SLC25A26: variants seen among roughly 807,000 people sequenced by gnomAD.
SLC25A26 encodes the protein solute carrier family 25 member 26, also known as mitochondrial S-adenosylmethionine carrier protein.
SLC25A26 carries 36 observed loss-of-function variants against 37.8 expected under a neutral mutation model. That is an observed-to-expected ratio of 0.95 (90% confidence interval 0.73 to 1.26). SLC25A26 has a LOEUF of 1.26. Among genes scored for constraint, SLC25A26 ranks in the 50% most tolerant of loss-of-function variants. SLC25A26 has a pLI of 0.00. For missense variants in SLC25A26, 390 were observed against 331.1 expected (o/e 1.18, Z -1.38); for synonymous variants, 129 against 122.5 (o/e 1.05, Z -0.35).
chr3:66,308,567 C>T (rs1293337151), intron 5 of SLC25A26, among the ~76,000 whole-genome samples: 1 of 152,184 alleles, frequency 6.6e-6, no homozygotes, highest in Non-Finnish European at 1.5e-5. Context: ...AGAGGGCAGC[C>T]TTCTGCTGTG....
chr3:66,155,078 T>C (rs1321163926), intron 1 of SLC25A26, among the ~76,000 whole-genome samples: 1 of 152,264 alleles, frequency 6.6e-6, no homozygotes, highest in Non-Finnish European at 1.5e-5. Context: ...TCTTCTTGTC[T>C]TTATTTGATT....
chr3:66,304,308 C>T, intron 5 of SLC25A26: 1 of 400,458 alleles, frequency 2.5e-6, no homozygotes, highest in South Asian at 1.9e-5. Flanking sequence ...TCTTGGGGGC[C>T]TCCCACAATG....
chr3:66,137,217 C>CT (rs528438794), intron 1 of SLC25A26, among the ~76,000 whole-genome samples: 2,726 of 118,824 alleles, frequency 0.023, 48 homozygotes, highest in South Asian at 0.05. Context: ...GATTTTCTTT[C>CT]TTTTTTTTTT....
At chr3:66,371,054 T>C (rs1412674885) in intron 9 of SLC25A26, 20 of 1,220,080 alleles carry the variant, frequency 1.6e-5, no homozygotes, top group African/African-American at 3.1e-5. Context: ...TTGAGAACCA[T>C]TGTGCTACAG....
At chr3:66,205,967 G>C (rs895872685) in intron 1 of SLC25A26, among the ~76,000 whole-genome samples, 2 of 152,182 alleles carry the variant, frequency 1.3e-5, no homozygotes, top group Admixed American at 6.5e-5. Flanking sequence ...TAAAGTATGC[G>C]TAATAGAGCA....
chr3:66,373,669 A>G (rs1175721375), intron 9 of SLC25A26, among the ~76,000 whole-genome samples: 1 of 129,484 alleles, frequency 7.7e-6, no homozygotes, highest in Non-Finnish European at 1.6e-5. Flanking sequence ...CCTTTGCATG[A>G]TGCTGATTTT....
upstream of SLC25A26, among the ~76,000 whole-genome samples, chr3:66,217,324 G>T (rs2071376488): frequency 6.6e-6 from 1 of 152,148 alleles, no homozygotes; most frequent in Non-Finnish European, 1.5e-5. Flanking sequence ...TCACTTAGGA[G>T]GCTATAGTAG....
intron 1 of SLC25A26, among the ~76,000 whole-genome samples, chr3:66,154,733 C>T (rs531188368): frequency 1.2e-4 from 19 of 152,186 alleles, no homozygotes; most frequent in Admixed American, 3.3e-4. Context: ...CCACCCGCCA[C>T]GGCCTCCCAA....
At chr3:66,204,725 T>C (rs1463722684) in intron 1 of SLC25A26, among the ~76,000 whole-genome samples, 1 of 152,198 alleles carries the variant, frequency 6.6e-6, no homozygotes, top group East Asian at 1.9e-4. Context: ...CAATTCTGAT[T>C]GCCGATGGAG....
At chr3:66,361,677 C>T (rs1352292639) in intron 6 of SLC25A26, among the ~76,000 whole-genome samples, 1 of 152,138 alleles carries the variant, frequency 6.6e-6, no homozygotes, top group African/African-American at 2.4e-5. Flanking sequence ...CAAATTAAAA[C>T]CACAATGAAG....
intron 5 of SLC25A26, among the ~76,000 whole-genome samples, chr3:66,298,717 G>A (rs748805973): frequency 2.1e-4 from 32 of 152,130 alleles, no homozygotes; most frequent in Non-Finnish European, 2.6e-4. Flanking sequence ...CTACTGATCT[G>A]TGTTAGGAAA....
At chr3:66,148,976 A>T (rs2070159480) in intron 1 of SLC25A26, among the ~76,000 whole-genome samples, 1 of 152,176 alleles carries the variant, frequency 6.6e-6, no homozygotes, top group African/African-American at 2.4e-5. Context: ...TTAGTTTTTA[A>T]AAATCTATCC....
chr3:66,197,552 A>C (rs1395079439), intron 1 of SLC25A26, among the ~76,000 whole-genome samples: 2 of 152,124 alleles, frequency 1.3e-5, no homozygotes, highest in African/African-American at 2.4e-5. Flanking sequence ...ATGAGGATTG[A>C]AATAATTGTC....
intron 1 of SLC25A26, among the ~76,000 whole-genome samples, chr3:66,179,307 G>GT (rs1432349013): frequency 6.6e-6 from 1 of 152,130 alleles, no homozygotes; most frequent in African/African-American, 2.4e-5. Flanking sequence ...TTCTCCAGAT[G>GT]TTTTTTCTAA....
At position 66,368,784 on chromosome 3, in the gene SLC25A26, G is replaced by A. The variant is rs1001008880; in HGVS notation, c.569-694G>A. Among the ~76,000 whole-genome samples the A allele has an allele frequency of 5.4e-4, 82 of 152,078 alleles. 1 individual carries two copies. Among genetic ancestry groups the A allele is most frequent in the Admixed American group, 1.3e-3 (20 of 15,262 alleles). ...TGTAATCCCAACACTTTGGGAGGCCGAGGCAGGAGGAGTGCTTGATGCAAG... is the reference window on the plus strand; with the variant it reads ...TGTAATCCCAACACTTTGGGAGGCCAAGGCAGGAGGAGTGCTTGATGCAAG... On this transcript the variant is annotated intron_variant, in intron 7 of 9. Coordinates refer to ENST00000354883, the MANE Select transcript of SLC25A26 (RefSeq NM_001379210.1).
At chr3:66,273,000 G>T (rs1472962315) in intron 5 of SLC25A26, among the ~76,000 whole-genome samples, 2 of 152,160 alleles carry the variant, frequency 1.3e-5, no homozygotes, top group African/African-American at 4.8e-5. Context: ...TTTTTAGCAT[G>T]AAGGGTTTTT....
chr3:66,276,652 GCATC>G (rs1325628549), intron 5 of SLC25A26, among the ~76,000 whole-genome samples: 2 of 152,014 alleles, frequency 1.3e-5, no homozygotes, highest in African/African-American at 2.4e-5. Flanking sequence ...TCCCTGTGCT[GCATC>G]ATATGTTCTG....
In SLC25A26 at chr3:66,221,018, G is replaced by A; in HGVS notation, c.-77G>A. 2.0e-6 allele frequency: 3 copies of A among 1,476,956 alleles called. No homozygotes were observed. The highest frequency in any genetic ancestry group is 2.7e-6 in the Non-Finnish European group (3 of 1,092,792). 91.5% of individuals were successfully genotyped at this position (1,476,956 alleles called of 1,614,324 possible). On this transcript the variant is annotated 5_prime_UTR_variant, in exon 1 of 10. It removes an upstream start codon present in the reference 5' UTR. Transcript: ENST00000354883. ...TTCAAGACAGACCCGCCTCAAACAT[G>A]GCGGCGCCCAGCGCGCGAGGACGTG...
chr3:66,158,054 G>T (rs566990009), intron 1 of SLC25A26, among the ~76,000 whole-genome samples: 6 of 152,348 alleles, frequency 3.9e-5, no homozygotes, highest in Admixed American at 1.3e-4. Context: ...AAGATTGGTT[G>T]CAGAGAGTAC....
Sources: gnomAD v4.1 joint callset for allele counts (sites outside exome capture counted in the v4.1 genomes callset) on GRCh38, gnomAD v4.1.1 for gene constraint, MANE v1.5 for transcripts, NCBI Gene and HGNC (gene_info 2026-07-23, HGNC 2026-07-21) for gene names.